Variants in SEM1 observed in about 807,000 individuals in gnomAD.
SEM1 encodes SEM1 26S proteasome subunit, also known as 26S proteasome complex subunit SEM1.
Under a neutral mutation model 12.7 loss-of-function variants are expected in SEM1, and 3 were observed. The observed-to-expected ratio is 0.24, with a 90% CI of 0.11 to 0.61. SEM1 has a LOEUF of 0.61. Among genes scored for constraint, SEM1 ranks in the 20% least tolerant of loss-of-function variants. The pLI is 0.88. For synonymous variants in SEM1, 30 were observed against 27.8 expected (o/e 1.08, Z -0.25); for missense variants, 59 against 81.3 (o/e 0.73, Z 1.06).
chr7:96,537,446 G>T (rs1804820022), intron 2 of SEM1, among the ~76,000 whole-genome samples: 3 of 151,314 alleles, frequency 2.0e-5, no homozygotes, highest in Non-Finnish European at 4.4e-5. Context: ...TATGTCTACT[G>T]GTGATTAATT....
chr7:96,612,502 C>A (rs1485837062), intron 2 of SEM1, among the ~76,000 whole-genome samples: 1 of 152,188 alleles, frequency 6.6e-6, no homozygotes, highest in African/African-American at 2.4e-5. Flanking sequence ...GTTCCCAAAC[C>A]AGCTGCACAT....
exon 4 of SEM1, chr7:96,483,468 A>G (rs561154234): frequency 2.4e-4 from 56 of 230,716 alleles, no homozygotes; most frequent in Non-Finnish European, 4.4e-4. Flanking sequence ...GTGCTGCAGT[A>G]GCAACAAACC....
chr7:96,689,932 T>G (rs12536845), intron 2 of SEM1, among the ~76,000 whole-genome samples: 7,762 of 152,262 alleles, frequency 0.051, 245 homozygotes, highest in South Asian at 0.09. Flanking sequence ...GAGATTATAG[T>G]ATCTGCCCTT....
At chr7:96,612,399 C>T (rs1441370177) in intron 2 of SEM1, among the ~76,000 whole-genome samples, 1 of 152,112 alleles carries the variant, frequency 6.6e-6, no homozygotes, top group African/African-American at 2.4e-5. Flanking sequence ...CTAACCTAGG[C>T]CTTGATCCCA....
At chr7:96,511,624 T>G (rs529452436) in intron 2 of SEM1, among the ~76,000 whole-genome samples, 1 of 152,244 alleles carries the variant, frequency 6.6e-6, no homozygotes, top group Non-Finnish European at 1.5e-5. Flanking sequence ...TGAAGATTTT[T>G]GGGAAATACA....
intron 2 of SEM1, among the ~76,000 whole-genome samples, chr7:96,674,576 A>AGGAT (rs559317636): frequency 3.3e-5 from 5 of 152,094 alleles, no homozygotes; most frequent in African/African-American, 1.2e-4. Flanking sequence ...CTGATATGGG[A>AGGAT]GGATGGTTTG....
chr7:96,494,094 G>T (rs1039051742), intron 1 of SEM1, among the ~76,000 whole-genome samples: 5 of 152,244 alleles, frequency 3.3e-5, no homozygotes, highest in South Asian at 2.1e-4. Context: ...CCCTTAGGAA[G>T]AAACTGCTTT....
chr7:96,561,434 G>A (rs1246262773), intron 2 of SEM1, among the ~76,000 whole-genome samples: 1 of 152,110 alleles, frequency 6.6e-6, no homozygotes, highest in Non-Finnish European at 1.5e-5. Flanking sequence ...AGAAACAGAG[G>A]CTTATGGTCA....
chr7:96,528,599 T>C (rs1322887329), intron 2 of SEM1, among the ~76,000 whole-genome samples: 1 of 152,128 alleles, frequency 6.6e-6, no homozygotes, highest in African/African-American at 2.4e-5. Flanking sequence ...CCTACAAAAT[T>C]TGTGCAAGAC....
At chr7:96,699,048 C>G (rs1790189524) in intron 1 of SEM1, among the ~76,000 whole-genome samples, 1 of 152,114 alleles carries the variant, frequency 6.6e-6, no homozygotes, top group Admixed American at 6.5e-5. Context: ...CCCTTATGCC[C>G]TAGATTCATC....
intron 1 of SEM1, among the ~76,000 whole-genome samples, chr7:96,708,882 A>T (rs1306538022): frequency 6.6e-6 from 1 of 152,222 alleles, no homozygotes; most frequent in Admixed American, 6.5e-5. Context: ...ACAGCCACTC[A>T]ATAAATGTTA....
Position 96,688,896 on chromosome 7 carries a change from T to C in SEM1, c.*28A>G, listed in dbSNP as rs762101017. On this transcript the variant is annotated 3_prime_UTR_variant, in exon 3 of 3. Transcript: ENST00000248566. ...TAGAATGTATTAAGCAGGTCAAGTT[T>C]AGGTTACTTCAACACTTCTTCTGGA... The C allele has an allele frequency of 6.7e-7, 1 of 1,502,424 alleles. No individual in the cohort carries two copies. Among genetic ancestry groups the C allele is most frequent in the Admixed American group, 1.7e-5 (1 of 59,170 alleles). 93.1% of individuals were successfully genotyped at this position (1,502,424 alleles called of 1,614,324 possible).
At chr7:96,562,334 A>G (rs1328621410) in intron 2 of SEM1, among the ~76,000 whole-genome samples, 1 of 152,220 alleles carries the variant, frequency 6.6e-6, no homozygotes, top group African/African-American at 2.4e-5. Flanking sequence ...TTGTTAATTC[A>G]TTAATATTTT....
chr7:96,561,429 C>G (rs1174562395), intron 2 of SEM1, among the ~76,000 whole-genome samples: 3 of 152,152 alleles, frequency 2.0e-5, no homozygotes, highest in Non-Finnish European at 2.9e-5. Context: ...AGCAAAGAAA[C>G]AGAGGCTTAT....
At chr7:96,512,634 G>A (rs1279115987) in intron 2 of SEM1, among the ~76,000 whole-genome samples, 2 of 152,158 alleles carry the variant, frequency 1.3e-5, no homozygotes, top group Non-Finnish European at 2.9e-5. Flanking sequence ...TACAATGCAT[G>A]TATTATTTCT....
chr7:96,494,363 A>C (rs990528203), intron 1 of SEM1, among the ~76,000 whole-genome samples: 1 of 152,228 alleles, frequency 6.6e-6, no homozygotes, highest in Admixed American at 6.5e-5. Context: ...CATTCTAAGA[A>C]ATTTGAAATG....
At chr7:96,487,708 C>T (rs1802831321) in intron 1 of SEM1, among the ~76,000 whole-genome samples, 1 of 150,212 alleles carries the variant, frequency 6.7e-6, no homozygotes, top group African/African-American at 2.5e-5. Flanking sequence ...AAAATGAGGC[C>T]TGTCAACTCT....
intron 1 of SEM1, among the ~76,000 whole-genome samples, chr7:96,491,130 G>A (rs2117221175): frequency 6.6e-6 from 1 of 152,162 alleles, no homozygotes; most frequent in Non-Finnish European, 1.5e-5. Context: ...AGAGAGGTTT[G>A]GTTACTTATT....
chr7:96,492,139 T>C (rs2117225104), intron 1 of SEM1, among the ~76,000 whole-genome samples: 1 of 152,296 alleles, frequency 6.6e-6, no homozygotes, highest in South Asian at 2.1e-4. Flanking sequence ...ATTAAGTACT[T>C]TCACATTGTT....
Sources: allele counts gnomAD v4.1 joint callset (sites outside exome capture counted in the v4.1 genomes callset), GRCh38; gene constraint gnomAD v4.1.1; transcripts MANE v1.5; gene names NCBI Gene and HGNC (gene_info 2026-07-23, HGNC 2026-07-21).